Variants in FRY observed in about 807,000 individuals in gnomAD.
FRY encodes the protein FRY microtubule binding protein.
A neutral mutation model predicts 348.4 loss-of-function variants in FRY; 128 were observed. The ratio of observed to expected loss-of-function variants is 0.37; its 90% CI spans 0.32 to 0.43. The LOEUF (loss-of-function observed/expected upper bound fraction) is 0.43, where lower values mean the gene tolerates loss of function less well. Ranked by LOEUF, FRY falls within the 20% of genes least tolerant of loss-of-function variation. The probability of loss-of-function intolerance (pLI) is 1.00; values close to 1 mark genes in which losing one functional copy is unlikely to be tolerated. For missense variants in FRY, 2,736 were observed against 3,695.2 expected, an observed-to-expected ratio of 0.74 and a Z score of 6.73; for synonymous variants, 1,370 against 1,374.7, an observed-to-expected ratio of 1.00 and a Z score of 0.08.
At chr13:32,223,836 C>CGCCTGCCTCA (rs1885442093) in intron 36 of FRY, among the ~76,000 whole-genome samples, 1 of 152,164 alleles carries the variant, frequency 6.6e-6, no homozygotes, top group African/African-American at 2.4e-5. Flanking sequence ...TCAAGCGATT[C>CGCCTGCCTCA]TCCTGCCTCA....
chr13:32,061,762 ATG>A (rs1873954939), intron 1 of FRY, among the ~76,000 whole-genome samples: 1 of 152,230 alleles, frequency 6.6e-6, no homozygotes, highest in East Asian at 1.9e-4. Flanking sequence ...TCCAAATTGC[ATG>A]CCACTGCTTT....
At chr13:32,280,373 C>G (rs1427025795) in intron 58 of FRY, among the ~76,000 whole-genome samples, 1 of 152,202 alleles carries the variant, frequency 6.6e-6, no homozygotes, top group African/African-American at 2.4e-5. Flanking sequence ...GATGTCCTGT[C>G]TCAGATGATT....
intron 28 of FRY, among the ~76,000 whole-genome samples, chr13:32,191,557 T>C (rs189659513): frequency 6.8e-4 from 104 of 152,356 alleles, no homozygotes; most frequent in African/African-American, 2.4e-3. Flanking sequence ...TCATGTATCT[T>C]AGTCCATTCA....
At chr13:32,245,199 G>A (rs1295887212) in intron 47 of FRY, among the ~76,000 whole-genome samples, 2 of 151,784 alleles carry the variant, frequency 1.3e-5, no homozygotes, top group Middle Eastern at 3.2e-3. Context: ...CCACCGCCTC[G>A]GCCTCCCAAA....
intron 58 of FRY, among the ~76,000 whole-genome samples, chr13:32,288,452 G>A (rs1889180383): frequency 6.6e-6 from 1 of 152,188 alleles, no homozygotes; most frequent in Non-Finnish European, 1.5e-5. Context: ...GCTGGGAAGA[G>A]AAAGGAAACC....
Position 32,184,619 on chromosome 13 carries a change from G to A in FRY, c.3074G>A (p.Arg1025Gln). Reference sequence around the variant, plus strand: ...ACACAGAACAAGAAACGCCGAGAACGGCGAGACTTGTTAAGGCTACAACTA... The same window carrying A: ...ACACAGAACAAGAAACGCCGAGAACAGCGAGACTTGTTAAGGCTACAACTA... ...RRPENKKRRE[R>Q]RDLLRLQLLR... The change falls in exon 25 of 61, where the codon CGG becomes CAG. Residue 1025 changes from arginine (R) to glutamine (Q), a missense_variant. By Grantham distance (43) the Arg-to-Gln change is conservative. Coordinates refer to ENST00000542859, the MANE Select transcript of FRY (RefSeq NM_023037.3). 1 of 1,612,822 alleles carries A rather than the reference G, an allele frequency of 6.2e-7. No individual in the cohort carries two copies. Among genetic ancestry groups the A allele is most frequent in the Non-Finnish European group, 8.5e-7 (1 of 1,178,788 alleles).
At chr13:32,245,595 C>T (rs192573909) in intron 47 of FRY, among the ~76,000 whole-genome samples, 128 of 152,190 alleles carry the variant, frequency 8.4e-4, no homozygotes, top group African/African-American at 3.1e-3. Context: ...ACCCGGCCAA[C>T]AGTGATAAAT....
At chr13:32,256,552 TAGA>T (rs1383317808) in intron 51 of FRY, among the ~76,000 whole-genome samples, 2 of 151,980 alleles carry the variant, frequency 1.3e-5, no homozygotes, top group African/African-American at 4.8e-5. Flanking sequence ...AAAAAAAATT[TAGA>T]AGAAGAAACT....
intron 29 of FRY, among the ~76,000 whole-genome samples, chr13:32,200,021 C>T (rs1858939): frequency 0.42 from 63,108 of 151,976 alleles, 13,332 homozygotes; most frequent in African/African-American, 0.45. Context: ...TGAGATGGCT[C>T]AGGGCTTCAC....
At chr13:32,151,172 C>T (rs189996662) in intron 14 of FRY, among the ~76,000 whole-genome samples, 2 of 152,326 alleles carry the variant, frequency 1.3e-5, no homozygotes, top group African/African-American at 4.8e-5. Context: ...CTAAAAAGGA[C>T]ATGTTAAAAG....
intron 1 of FRY, among the ~76,000 whole-genome samples, chr13:32,037,463 G>T (rs948892286): frequency 1.3e-5 from 2 of 152,094 alleles, no homozygotes; most frequent in South Asian, 2.1e-4. Flanking sequence ...TATAATTCAG[G>T]TATCTCATTT....
At chr13:32,135,250 TCTG>T in intron 10 of FRY, 67 bp downstream of exon 10, 6 of 985,072 alleles carry the variant, frequency 6.1e-6, no homozygotes, top group Non-Finnish European at 8.1e-6. Context: ...TAGACAGGAA[TCTG>T]TTTGAGGATC....
chr13:32,141,115 A>G (rs532944469), intron 11 of FRY, among the ~76,000 whole-genome samples: 5 of 152,348 alleles, frequency 3.3e-5, no homozygotes, highest in Non-Finnish European at 5.9e-5. Flanking sequence ...CAAAGATTCC[A>G]ATAATGCACA....
chr13:32,200,211 A>C (rs990792711), intron 29 of FRY, among the ~76,000 whole-genome samples: 9 of 152,258 alleles, frequency 5.9e-5, no homozygotes, highest in African/African-American at 1.9e-4. Context: ...AATGGGGATT[A>C]AATTTCAGCA....
chr13:32,139,023 G>A (rs113473676), intron 11 of FRY, among the ~76,000 whole-genome samples: 15 of 152,212 alleles, frequency 9.9e-5, no homozygotes, highest in African/African-American at 3.6e-4. Context: ...TAATCTATTT[G>A]AATTCACTAC....
chr13:32,204,458 G>T (rs1381559176), intron 31 of FRY, among the ~76,000 whole-genome samples: 1 of 151,996 alleles, frequency 6.6e-6, no homozygotes, highest in Non-Finnish European at 1.5e-5. Context: ...TCAGCCAAGG[G>T]GCAGGGGAAA....
chr13:32,126,989 A>G (rs989849033), intron 7 of FRY, among the ~76,000 whole-genome samples: 11 of 152,200 alleles, frequency 7.2e-5, no homozygotes, highest in Non-Finnish European at 1.0e-4. Context: ...TTTTAGCAGA[A>G]TCACTATTTT....
intron 3 of FRY, among the ~76,000 whole-genome samples, chr13:32,114,558 A>C (rs1251987068): frequency 2.0e-5 from 3 of 152,302 alleles, no homozygotes; most frequent in African/African-American, 7.2e-5. Context: ...TACCACATGA[A>C]CGTTTAGTCA....
chr13:32,239,068 T>C lies in FRY; in HGVS notation c.6419-184T>C, dbSNP rs1303550091. 6.6e-6 allele frequency among the ~76,000 whole-genome samples: 1 copy of C among 152,232 alleles called. No individual in the cohort carries two copies. Among genetic ancestry groups the C allele is most frequent in the Non-Finnish European group, 1.5e-5 (1 of 68,044 alleles). ...AAATCGCAGATCTACTTTACTGTCT[T>C]CTTTGTAACTGGTGCAATTGTGGTT... On this transcript the variant is annotated intron_variant, in intron 44 of 60. Coordinates refer to ENST00000542859, the MANE Select transcript of FRY (RefSeq NM_023037.3). This position sits in a 1 kb window ranked among gnomAD's most constrained non-coding sequence, Gnocchi z 4.3.
Sources: gnomAD v4.1 joint callset for allele counts (sites outside exome capture counted in the v4.1 genomes callset) on GRCh38, gnomAD v4.1.1 for gene constraint, Gnocchi (gnomAD v3.1) non-coding constraint, MANE v1.5 for transcripts, NCBI Gene and HGNC (gene_info 2026-07-23, HGNC 2026-07-21) for gene names.